GPSM2: variants seen among roughly 807,000 people sequenced by gnomAD.
GPSM2 encodes G protein signaling modulator 2.
GPSM2 carries 58 observed loss-of-function variants against 78.4 expected under a neutral mutation model. The observed-to-expected ratio is 0.74, with a 90% CI of 0.60 to 0.92. The LOEUF (loss-of-function observed/expected upper bound fraction) is 0.92. Among genes scored for constraint, GPSM2 ranks in the 40% least tolerant of loss-of-function variants. The probability of loss-of-function intolerance (pLI) is 0.00; values close to 1 mark genes in which losing one functional copy is unlikely to be tolerated. For synonymous variants in GPSM2, 224 were observed against 280.2 expected (o/e 0.80, Z 2.00); for missense variants, 700 against 815.5 (o/e 0.86, Z 1.73).
intron 1 of GPSM2, among the ~76,000 whole-genome samples, chr1:108,879,780 A>G (rs1287405650): frequency 6.6e-6 from 1 of 151,996 alleles, no homozygotes; most frequent in East Asian, 1.9e-4. Context: ...GCGCCACTGC[A>G]CTCCAGCCCG....
chr1:108,905,214 A>G (rs748641476), intron 10 of GPSM2, among the ~76,000 whole-genome samples: 5 of 152,248 alleles, frequency 3.3e-5, no homozygotes, highest in Admixed American at 1.3e-4. Context: ...GAACTTTCAA[A>G]TAGGTTATGC....
intron 11 of GPSM2, among the ~76,000 whole-genome samples, chr1:108,918,079 TG>T (rs1384598309): frequency 1.1e-4 from 17 of 152,172 alleles, no homozygotes; most frequent in African/African-American, 4.1e-4. Context: ...ACTCAATAAA[TG>T]TTATTTTGTT....
intron 2 of GPSM2, among the ~76,000 whole-genome samples, chr1:108,890,304 G>A (rs371883035): frequency 1.4e-4 from 21 of 152,318 alleles, no homozygotes; most frequent in African/African-American, 4.6e-4. Context: ...GAATATGAAC[G>A]TAATAAGATG....
intron 14 of GPSM2, among the ~76,000 whole-genome samples, chr1:108,928,094 C>G (rs903131338): frequency 6.6e-6 from 1 of 152,192 alleles, no homozygotes; most frequent in African/African-American, 2.4e-5. Flanking sequence ...AAAACTTGTG[C>G]ATCAAAGGAC....
chr1:108,878,695 T>A (rs1174675634), intron 1 of GPSM2, among the ~76,000 whole-genome samples: 1 of 152,220 alleles, frequency 6.6e-6, no homozygotes, highest in East Asian at 1.9e-4. Flanking sequence ...TTTATTTGAA[T>A]ATATATTAAA....
intron 2 of GPSM2, among the ~76,000 whole-genome samples, chr1:108,885,995 G>A (rs921721924): frequency 2.6e-5 from 4 of 151,704 alleles, no homozygotes; most frequent in South Asian, 2.1e-4. Flanking sequence ...TTTATTTTTT[G>A]TAGTGTATTG....
intron 14 of GPSM2, chr1:108,926,160 AC>A (rs966693990): frequency 2.6e-5 from 4 of 152,184 alleles, no homozygotes; most frequent in Admixed American, 1.3e-4. Flanking sequence ...TGTGCTAAGA[AC>A]CCACCTGAGG....
chr1:108,883,961 G>C (rs1358635554), intron 1 of GPSM2, among the ~76,000 whole-genome samples: 1 of 152,078 alleles, frequency 6.6e-6, no homozygotes, highest in East Asian at 1.9e-4. Context: ...GCCTGGGCTG[G>C]AGCGCAGTGG....
At chr1:108,877,657 G>A (rs542889953) in intron 1 of GPSM2, 1 of 152,178 alleles carries the variant, frequency 6.6e-6, no homozygotes, top group East Asian at 1.9e-4. Context: ...AGTCGGGCGC[G>A]TCCTACCTAA....
At chr1:108,928,315 G>A (rs775461367) in intron 14 of GPSM2, among the ~76,000 whole-genome samples, 15 of 152,234 alleles carry the variant, frequency 9.9e-5, no homozygotes, top group Non-Finnish European at 2.1e-4. Context: ...AGGCCGAAGT[G>A]AAGGATGAGG....
intron 2 of GPSM2, among the ~76,000 whole-genome samples, chr1:108,886,482 C>T (rs1647557235): frequency 6.8e-6 from 1 of 148,038 alleles, no homozygotes. Flanking sequence ...TCACAAGCTT[C>T]ACGGTCCCTA....
intron 2 of GPSM2, among the ~76,000 whole-genome samples, chr1:108,889,992 G>A (rs942651822): frequency 2.6e-4 from 39 of 152,078 alleles, no homozygotes; most frequent in Non-Finnish European, 5.9e-5. Context: ...TATGCCCTAT[G>A]TTGAACTCCC....
At chr1:108,922,301 C>T in intron 12 of GPSM2, 116 bp from the exon 13 acceptor site, 1 of 749,168 alleles carries the variant, frequency 1.3e-6, no homozygotes, top group Admixed American at 2.4e-5. Flanking sequence ...TTCAAAATGT[C>T]AATTTTTAAT....
At chr1:108,908,728 A>ACACACACACACACAC (rs1649461870) in intron 10 of GPSM2, among the ~76,000 whole-genome samples, 1 of 148,354 alleles carries the variant, frequency 6.7e-6, no homozygotes, top group Non-Finnish European at 1.5e-5. Context: ...TCAAAACACA[A>ACACACACACACACAC]ACACACACAC....
chr1:108,880,541 C>G (rs1227426540), intron 1 of GPSM2, among the ~76,000 whole-genome samples: 2 of 151,106 alleles, frequency 1.3e-5, no homozygotes, highest in Non-Finnish European at 2.9e-5. Flanking sequence ...GATGGCGCCA[C>G]TGCACTCCAG....
In GPSM2 at chr1:108,901,786, G is replaced by A. The variant is rs1351098594; in HGVS notation, c.798-4G>A. On this transcript the variant is annotated splice_polypyrimidine_tract_variant and splice_region_variant and intron_variant, in intron 7 of 14. Transcript: ENST00000264126. The stretch of plus-strand genomic sequence containing the variant: ...ATTATATAAGAATTAATTTCTTCTT[G>A]TAGGAAGACACTACTGTTGGCCCGA... 2 of 1,604,684 alleles carry A rather than the reference G, an allele frequency of 1.2e-6. No homozygotes were observed. Among genetic ancestry groups the A allele is most frequent in the South Asian group, 1.1e-5 (1 of 90,884 alleles).
intron 1 of GPSM2, chr1:108,882,665 T>C (rs965211726): frequency 6.6e-6 from 1 of 152,212 alleles, no homozygotes; most frequent in Non-Finnish European, 1.5e-5. Context: ...CTCCATTTTA[T>C]AAATAACAGC....
intron 10 of GPSM2, among the ~76,000 whole-genome samples, chr1:108,910,280 G>A (rs1216144582): frequency 1.3e-5 from 2 of 152,074 alleles, no homozygotes; most frequent in African/African-American, 2.4e-5. Flanking sequence ...AAAGAAATTC[G>A]AGCAGTAATT....
intron 14 of GPSM2, among the ~76,000 whole-genome samples, chr1:108,928,273 G>T (rs1409276913): frequency 1.3e-5 from 2 of 152,224 alleles, no homozygotes; most frequent in South Asian, 4.1e-4. Flanking sequence ...ATAACAAGAG[G>T]CTAGAATATG....
Sources: allele counts gnomAD v4.1 joint callset (sites outside exome capture counted in the v4.1 genomes callset), GRCh38; gene constraint gnomAD v4.1.1; transcripts MANE v1.5; gene names NCBI Gene and HGNC (gene_info 2026-07-23, HGNC 2026-07-21).